Variants in UBL3 observed in about 807,000 individuals in gnomAD.
UBL3 encodes ubiquitin-like protein 3.
UBL3 carries 6 observed loss-of-function variants against 18.4 expected under a neutral mutation model. The ratio of observed to expected loss-of-function variants is 0.33; its 90% CI spans 0.18 to 0.64. The LOEUF is 0.64. UBL3 is among the 30% of genes least tolerant of loss of function. The pLI, the probability that UBL3 is intolerant of heterozygous loss-of-function variation, is 0.76. For synonymous variants in UBL3, 49 were observed against 46.6 expected, an observed-to-expected ratio of 1.05 and a Z score of -0.21; for missense variants, 109 against 142.9, an observed-to-expected ratio of 0.76 and a Z score of 1.21.
At chr13:29,812,395 T>G (rs1298513985) in intron 1 of UBL3, among the ~76,000 whole-genome samples, 1 of 152,072 alleles carries the variant, frequency 6.6e-6, no homozygotes, top group Non-Finnish European at 1.5e-5. Context: ...ATTAATACAC[T>G]CTTAGCCAAG....
intron 1 of UBL3, among the ~76,000 whole-genome samples, chr13:29,814,752 G>A (rs570923455): frequency 1.2e-4 from 18 of 152,196 alleles, no homozygotes; most frequent in African/African-American, 4.1e-4. Flanking sequence ...GGCCATGTGT[G>A]GTTGCAGTCA....
Position 29,766,946 on chromosome 13 carries a change from GT to G in UBL3, c.*308del, listed in dbSNP as rs1457815373. ...TATTAGTTCTGATGATGAAAATTTT[GT>G]GGCAGCAAAATGGTTTCTGCTACGA... On this transcript the variant is annotated 3_prime_UTR_variant, in exon 5 of 5. Transcript: ENST00000380680. The G allele has an allele frequency of 1.3e-5, 3 of 228,854 alleles. No individual in the cohort carries two copies. The highest frequency in any genetic ancestry group is 2.5e-5 in the Non-Finnish European group (3 of 118,478). The allele number at this position is 228,854 out of a possible 1,614,324, so 14.2% of individuals were successfully genotyped here.
chr13:29,810,476 G>T (rs896762748), intron 1 of UBL3, among the ~76,000 whole-genome samples: 2 of 152,040 alleles, frequency 1.3e-5, no homozygotes, highest in East Asian at 3.9e-4. Flanking sequence ...TGTATATGGG[G>T]TCACAGAAAC....
intron 1 of UBL3, among the ~76,000 whole-genome samples, chr13:29,805,701 G>C (rs557695598): frequency 6.6e-6 from 1 of 152,182 alleles, no homozygotes; most frequent in South Asian, 2.1e-4. Context: ...TGAGATGATA[G>C]AACATGATTT....
chr13:29,838,735 G>T (rs1438280444), intron 1 of UBL3, among the ~76,000 whole-genome samples: 1 of 152,052 alleles, frequency 6.6e-6, no homozygotes, highest in Non-Finnish European at 1.5e-5. Context: ...AGTTATAAAG[G>T]ACTTAATGAT....
chr13:29,826,339 G>T (rs1223519411), intron 1 of UBL3, among the ~76,000 whole-genome samples: 1 of 152,100 alleles, frequency 6.6e-6, no homozygotes, highest in Non-Finnish European at 1.5e-5. Context: ...GACTGTTTTT[G>T]GTTGGTAAGC....
intron 1 of UBL3, among the ~76,000 whole-genome samples, chr13:29,794,488 G>A (rs1877560459): frequency 6.6e-6 from 1 of 152,164 alleles, no homozygotes; most frequent in African/African-American, 2.4e-5. Context: ...AATGATCCTA[G>A]AAGTTAGAAG....
chr13:29,820,496 T>C (rs1231440937), intron 1 of UBL3, among the ~76,000 whole-genome samples: 2 of 152,150 alleles, frequency 1.3e-5, no homozygotes, highest in African/African-American at 4.8e-5. Context: ...AGACTTTTTA[T>C]AGTAACTCAG....
At chr13:29,788,805 T>C (rs1031932453) in intron 1 of UBL3, among the ~76,000 whole-genome samples, 2 of 150,514 alleles carry the variant, frequency 1.3e-5, no homozygotes, top group African/African-American at 4.9e-5. Context: ...AACAATGCAG[T>C]TGCCAGGGAA....
intron 1 of UBL3, among the ~76,000 whole-genome samples, chr13:29,826,830 A>ATCTATT (rs1292615753): frequency 6.6e-6 from 1 of 152,128 alleles, no homozygotes; most frequent in Non-Finnish European, 1.5e-5. Flanking sequence ...TTAGTGCTAT[A>ATCTATT]TATTTCCCTC....
intron 1 of UBL3, among the ~76,000 whole-genome samples, chr13:29,802,017 T>A (rs372717140): frequency 1.3e-5 from 2 of 152,042 alleles, no homozygotes; most frequent in African/African-American, 4.8e-5. Context: ...AAGGCCAGAT[T>A]TGCAGCCACC....
At chr13:29,797,627 T>C (rs535210074) in intron 1 of UBL3, among the ~76,000 whole-genome samples, 1 of 152,316 alleles carries the variant, frequency 6.6e-6, no homozygotes, top group South Asian at 2.1e-4. Context: ...TACGTAAGTG[T>C]TGATTTACCT....
intron 3 of UBL3, among the ~76,000 whole-genome samples, chr13:29,771,883 C>A (rs558742279): frequency 6.6e-6 from 1 of 152,010 alleles, no homozygotes; most frequent in South Asian, 2.1e-4. Context: ...AGAATCCTAC[C>A]TATACTGGGA....
chr13:29,767,059 A>C lies in UBL3; in HGVS notation c.*196T>G. 1 of 482,910 alleles carries C rather than the reference A, an allele frequency of 2.1e-6. No individual in the cohort carries two copies. Among genetic ancestry groups the C allele is most frequent in the East Asian group, 3.4e-5 (1 of 29,178 alleles). 29.9% of individuals were successfully genotyped at this position (482,910 alleles called of 1,614,324 possible). A position where few individuals can be genotyped will look rare whatever the true frequency, so the allele number is the denominator to read the frequency against. ...AACAGCTCAACAAAAAATACAAGAA[A>C]TAAAAAATCAGAGTGAAAAATGTTC... On this transcript the variant is annotated 3_prime_UTR_variant, in exon 5 of 5. Transcript: ENST00000380680.
chr13:29,767,548 G>A, intron 4 of UBL3, 70 bp downstream of exon 4: 1 of 1,541,960 alleles, frequency 6.5e-7, no homozygotes, highest in South Asian at 1.1e-5. Flanking sequence ...GCATATCCAA[G>A]AAAAACCTAG....
At chr13:29,810,310 A>G (rs527783536) in intron 1 of UBL3, among the ~76,000 whole-genome samples, 1 of 152,256 alleles carries the variant, frequency 6.6e-6, no homozygotes, top group East Asian at 1.9e-4. Context: ...TCAGCATTTA[A>G]GTGGTATTTA....
intron 1 of UBL3, among the ~76,000 whole-genome samples, chr13:29,786,244 C>T (rs914188892): frequency 6.6e-6 from 1 of 152,162 alleles, no homozygotes; most frequent in Non-Finnish European, 1.5e-5. Flanking sequence ...TGCTTATTCT[C>T]CAGCATCATC....
At chr13:29,832,356 G>A (rs541763871) in intron 1 of UBL3, among the ~76,000 whole-genome samples, 526 of 148,076 alleles carry the variant, frequency 3.6e-3, no homozygotes, top group African/African-American at 0.012. Context: ...TTTTTAAGAC[G>A]GAGTCTCGCT....
rs190922004 is a variant in UBL3 at position 29,790,037 on chromosome 13, G to A, written c.28-12774C>T. On this transcript the variant is annotated intron_variant, in intron 1 of 4. Coordinates refer to ENST00000380680, the MANE Select transcript of UBL3 (RefSeq NM_007106.4). ...TCCCCATACTTTTAAGAAAACATGG[G>A]GAAATGGTTTAATGCTTGATGCCAT... 5.6e-4 allele frequency among the ~76,000 whole-genome samples: 85 copies of A among 152,226 alleles called. 1 individual carries two copies. Among genetic ancestry groups the A allele is most frequent in the East Asian group, 4.4e-3 (23 of 5,182 alleles).
Sources: allele counts gnomAD v4.1 joint callset (sites outside exome capture counted in the v4.1 genomes callset), GRCh38; gene constraint gnomAD v4.1.1; transcripts MANE v1.5; gene names NCBI Gene and HGNC (gene_info 2026-07-23, HGNC 2026-07-21).